PRRC2B: variants seen among roughly 807,000 people sequenced by gnomAD.
The protein encoded by PRRC2B is protein PRRC2B.
PRRC2B carries 68 observed loss-of-function variants against 242.3 expected under a neutral mutation model. The ratio of observed to expected loss-of-function variants is 0.28; its 90% confidence interval spans 0.23 to 0.34. PRRC2B has a LOEUF of 0.34. Among genes scored for constraint, PRRC2B ranks in the 10% least tolerant of loss-of-function variants. The probability of loss-of-function intolerance (pLI) is 1.00; values close to 1 mark genes in which losing one functional copy is unlikely to be tolerated. For synonymous variants in PRRC2B, 1,228 were observed against 1,173.6 expected, an observed-to-expected ratio of 1.05 and a Z score of -0.95; for missense variants, 2,835 against 2,954.8, an observed-to-expected ratio of 0.96 and a Z score of 0.94.
intron 1 of PRRC2B, among the ~76,000 whole-genome samples, chr9:131,403,405 G>C (rs1234505157): frequency 6.6e-6 from 1 of 151,780 alleles, no homozygotes; most frequent in African/African-American, 2.4e-5. Flanking sequence ...AGGCCGGAGT[G>C]CAGTGGCATG....
chr9:131,408,116 G>C (rs1030704883), intron 1 of PRRC2B, among the ~76,000 whole-genome samples: 2 of 152,208 alleles, frequency 1.3e-5, no homozygotes, highest in African/African-American at 2.4e-5. Context: ...AAGAGGATGG[G>C]GTTGTTGTAA....
intron 30 of PRRC2B, among the ~76,000 whole-genome samples, chr9:131,493,030 C>T (rs758848264): frequency 1.2e-4 from 19 of 152,222 alleles, no homozygotes; most frequent in Middle Eastern, 3.4e-3. Flanking sequence ...TCGCTGCAGA[C>T]GCCATGAGGT....
chr9:131,472,733 C>A (rs778394989), intron 14 of PRRC2B, among the ~76,000 whole-genome samples: 1 of 152,134 alleles, frequency 6.6e-6, no homozygotes, highest in Non-Finnish European at 1.5e-5. Context: ...CCTGCCTTGG[C>A]CTCCCAAAGT....
intron 1 of PRRC2B, among the ~76,000 whole-genome samples, chr9:131,426,843 A>G (rs2994045): frequency 0.98 from 149,031 of 152,356 alleles, 72,982 homozygotes; most frequent in East Asian, 1. Flanking sequence ...GAATGTGGGC[A>G]GCAGTCCCAT....
At chr9:131,408,111 G>C (rs568168906) in intron 1 of PRRC2B, among the ~76,000 whole-genome samples, 1 of 152,208 alleles carries the variant, frequency 6.6e-6, no homozygotes, top group African/African-American at 2.4e-5. Flanking sequence ...GGAAGAAGAG[G>C]ATGGGGTTGT....
intron 6 of PRRC2B, 96 bp downstream of exon 6, chr9:131,444,424 C>T: frequency 5.2e-6 from 7 of 1,347,648 alleles, no homozygotes; most frequent in Non-Finnish European, 7.0e-6. Context: ...CCACTGGGGT[C>T]TCCGGTTCGA....
At chr9:131,462,256 A>AT (rs1943261927) in intron 11 of PRRC2B, among the ~76,000 whole-genome samples, 1 of 152,116 alleles carries the variant, frequency 6.6e-6, no homozygotes, top group Admixed American at 6.5e-5. Context: ...TTTGTCATTC[A>AT]TGCTGGAGTG....
rs947451782 is a variant in PRRC2B at position 131,461,637 on chromosome 9, G to A, written c.1404+2281G>A. 7.9e-5 allele frequency among the ~76,000 whole-genome samples: 12 copies of A among 152,236 alleles called. No individual in the cohort carries two copies. The East Asian group carries it at 2.3e-3, about 29-fold the overall frequency. On this transcript the variant is annotated intron_variant, in intron 11 of 31. Transcript: ENST00000683519. ...GCTCAGTGCAACCTCTGCCTCCCGG[G>A]TTCAAGCGATTCTCCTGCCTCAGCC...
chr9:131,412,295 G>T (rs1308974252), intron 1 of PRRC2B, among the ~76,000 whole-genome samples: 2 of 151,974 alleles, frequency 1.3e-5, no homozygotes, highest in African/African-American at 4.8e-5. Context: ...TTGCTCTTTT[G>T]TGTCTGTCTC....
rs771604722 is a variant in PRRC2B, at chr9:131,474,875, C to A, written c.2746C>A (p.Pro916Thr). Residue 916 changes from proline to threonine, a missense_variant, in exon 16 of 32, where the codon CCT becomes ACT. Pro to Thr is a conservative substitution (Grantham distance 38). This residue lies in a region of PRRC2B where 1,536 missense variants were observed against 1,483.1 expected (regional missense o/e 1.04). Coordinates refer to ENST00000683519, the MANE Select transcript of PRRC2B (RefSeq NM_013318.4). ...CCCCAACAAACAGCCATCCTCGGAG[C>A]CTGAATGGACTCCCGAGCCCCGGAG... ...GSPNKQPSSE[P>T]EWTPEPRSSS... 1 of 1,603,120 alleles carries A rather than the reference C, an allele frequency of 6.2e-7. No individual in the cohort carries two copies. The highest frequency in any genetic ancestry group is 8.5e-7 in the Non-Finnish European group (1 of 1,175,544).
intron 1 of PRRC2B, among the ~76,000 whole-genome samples, chr9:131,429,335 T>A (rs1473332432): frequency 6.6e-6 from 1 of 152,192 alleles, no homozygotes; most frequent in Non-Finnish European, 1.5e-5. Flanking sequence ...TGGACACCTG[T>A]AGCACATTAG....
At chr9:131,432,905 TGCAGTG>T in intron 3 of PRRC2B, 111 bp downstream of exon 3, 4 of 1,061,492 alleles carry the variant, frequency 3.8e-6, no homozygotes, top group Non-Finnish European at 5.5e-6. Flanking sequence ...GCGCTAGTCT[TGCAGTG>T]GCAGAATTGG....
Position 131,482,238 on chromosome 9 carries a change from G to T in PRRC2B, c.4984-133G>T. The T allele has an allele frequency of 1.0e-6, 1 of 1,001,632 alleles. No individual in the cohort carries two copies. The highest frequency in any genetic ancestry group is 1.5e-6 in the Non-Finnish European group (1 of 671,426). The allele number at this position is 1,001,632 out of a possible 1,614,324, so 62.0% of individuals were successfully genotyped here. On this transcript the variant is annotated intron_variant, in intron 20 of 31. Coordinates refer to ENST00000683519, the MANE Select transcript of PRRC2B (RefSeq NM_013318.4). This position sits in a 1 kb window ranked among gnomAD's most constrained non-coding sequence, Gnocchi z 5.2. Reference sequence around the variant, plus strand: ...TTGTCAGGCATCCTCAGCAGGGCAGGATCAAGATCAGGACCAGACTTGGCA... The same window carrying T: ...TTGTCAGGCATCCTCAGCAGGGCAGTATCAAGATCAGGACCAGACTTGGCA...
chr9:131,407,179 A>G (rs539002199), intron 1 of PRRC2B, among the ~76,000 whole-genome samples: 17 of 152,314 alleles, frequency 1.1e-4, no homozygotes, highest in Non-Finnish European at 2.5e-4. Flanking sequence ...TTAATTAACA[A>G]GTGCTGCTTC....
At chr9:131,430,439 G>C (rs1053757370) in intron 2 of PRRC2B, among the ~76,000 whole-genome samples, 180 bp downstream of exon 2, 3 of 149,290 alleles carry the variant, frequency 2.0e-5, no homozygotes, top group African/African-American at 7.6e-5. Flanking sequence ...TGAGCATCCT[G>C]ACTCTTTCTG....
intron 1 of PRRC2B, among the ~76,000 whole-genome samples, chr9:131,419,487 C>T (rs1837739867): frequency 6.6e-6 from 1 of 152,260 alleles, no homozygotes. Context: ...TGCTGGGGAA[C>T]GGAGGCTTCC....
At position 131,494,351 on chromosome 9, in the gene PRRC2B, C is replaced by A. The variant is rs1043214484; in HGVS notation, c.6474-54C>A. 1.0e-6 allele frequency: 1 copy of A among 965,924 alleles called. No individual in the cohort carries two copies. The highest frequency in any genetic ancestry group is 1.6e-6 in the Non-Finnish European group (1 of 620,916). The allele number at this position is 965,924 out of a possible 1,614,324, so 59.8% of individuals were successfully genotyped here. A position where few individuals can be genotyped will look rare whatever the true frequency, so the allele number is the denominator to read the frequency against. On this transcript the variant is annotated intron_variant, in intron 30 of 31. Coordinates refer to ENST00000683519, the MANE Select transcript of PRRC2B (RefSeq NM_013318.4). This position sits in a 1 kb window ranked among gnomAD's most constrained non-coding sequence, Gnocchi z 4.3. ...TCCTCCATGTGCTAGGCTTTGACTCCATTTCTGTGGTGACACGTTGTGTAT... is the reference window on the plus strand; with the variant it reads ...TCCTCCATGTGCTAGGCTTTGACTCAATTTCTGTGGTGACACGTTGTGTAT...
chr9:131,436,229 G>A (rs993247487), intron 3 of PRRC2B, among the ~76,000 whole-genome samples: 1 of 152,174 alleles, frequency 6.6e-6, no homozygotes, highest in South Asian at 2.1e-4. Flanking sequence ...GCCAGGCAAG[G>A]TGGCTCAAGC....
chr9:131,378,843 T>C (rs1836719290), intron 1 of PRRC2B, among the ~76,000 whole-genome samples: 1 of 152,110 alleles, frequency 6.6e-6, no homozygotes, highest in African/African-American at 2.4e-5. Flanking sequence ...GTCAGCCTCC[T>C]GAGTAGCTGG....
Sources: allele counts gnomAD v4.1 joint callset (sites outside exome capture counted in the v4.1 genomes callset), GRCh38; gene constraint gnomAD v4.1.1; regional missense constraint gnomAD v4.1.1; non-coding constraint Gnocchi (gnomAD v3.1); transcripts MANE v1.5; gene names NCBI Gene and HGNC (gene_info 2026-07-23, HGNC 2026-07-21).